Variants in RTTN observed in about 807,000 individuals in gnomAD.
RTTN encodes the protein rotatin.
In RTTN, 182 loss-of-function variants were observed where a neutral mutation model predicts 269.2. That is an observed-to-expected ratio of 0.68 (90% CI 0.60 to 0.76). The LOEUF (loss-of-function observed/expected upper bound fraction) is 0.76, where lower values mean the gene tolerates loss of function less well. Ranked by LOEUF, RTTN falls within the 30% of genes least tolerant of loss-of-function variation. The pLI is 0.00. For synonymous variants in RTTN, 1,006 were observed against 963.5 expected, an observed-to-expected ratio of 1.04 and a Z score of -0.82; for missense variants, 2,545 against 2,608.6, an observed-to-expected ratio of 0.98 and a Z score of 0.53.
intron 19 of RTTN, 123 bp downstream of exon 19, chr18:70,142,163 CAA>C: frequency 1.6e-6 from 1 of 616,332 alleles, no homozygotes; most frequent in Non-Finnish European, 2.8e-6. Flanking sequence ...TGAGGGCTGT[CAA>C]AAAAAAGGCC....
intron 40 of RTTN, among the ~76,000 whole-genome samples, chr18:70,046,725 C>T (rs753041364): frequency 2.0e-5 from 3 of 152,096 alleles, no homozygotes; most frequent in Non-Finnish European, 4.4e-5. Flanking sequence ...TAGAGAAATG[C>T]TTTGAGGAAC....
At chr18:70,139,957 T>TA in intron 20 of RTTN, 143 bp downstream of exon 20, 32 of 689,128 alleles carry the variant, frequency 4.6e-5, no homozygotes, top group Admixed American at 6.3e-5. Flanking sequence ...CTTTTCGAAT[T>TA]TAAAAAAAAA....
chr18:70,181,672 A>AT (rs989262935), intron 10 of RTTN, among the ~76,000 whole-genome samples: 3 of 152,126 alleles, frequency 2.0e-5, no homozygotes, highest in African/African-American at 7.2e-5. Flanking sequence ...AACATTTATT[A>AT]TTTTGTTCCT....
intron 16 of RTTN, 43 bp downstream of exon 16, chr18:70,149,928 C>A: frequency 7.6e-7 from 1 of 1,319,060 alleles, no homozygotes; most frequent in Admixed American, 1.7e-5. Context: ...TCACACCCAG[C>A]CAAAGATAAA....
chr18:70,092,914 G>A, intron 28 of RTTN, 110 bp from the exon 29 acceptor site: 11 of 936,126 alleles, frequency 1.2e-5, no homozygotes, highest in Non-Finnish European at 1.6e-5. Context: ...ACCTTATAAA[G>A]TTGTAATATT....
At chr18:70,202,110 GTT>G in intron 3 of RTTN, 127 bp from the exon 4 acceptor site, 1 of 565,068 alleles carries the variant, frequency 1.8e-6, no homozygotes, top group Non-Finnish European at 3.0e-6. Context: ...AAAAAGTCCA[GTT>G]TTTTTTCTGA....
At chr18:70,013,753 A>G (rs1396603430) in intron 46 of RTTN, among the ~76,000 whole-genome samples, 1 of 152,188 alleles carries the variant, frequency 6.6e-6, no homozygotes, top group African/African-American at 2.4e-5. Flanking sequence ...TCAGTTTGGT[A>G]ATTACAGTGA....
intron 14 of RTTN, among the ~76,000 whole-genome samples, chr18:70,159,646 GT>G (rs1233549025): frequency 6.6e-6 from 1 of 151,968 alleles, no homozygotes; most frequent in African/African-American, 2.4e-5. Flanking sequence ...CCAAATTTTG[GT>G]TCTCCAAAAG....
At chr18:70,073,766 T>C (rs1348459862) in intron 34 of RTTN, 140 bp downstream of exon 34, 6 of 584,490 alleles carry the variant, frequency 1.0e-5, no homozygotes, top group East Asian at 6.1e-5. Context: ...TACAATAATT[T>C]AGCAAAATTC....
chr18:70,105,439 C>T (rs756940930), intron 28 of RTTN, among the ~76,000 whole-genome samples: 26 of 152,346 alleles, frequency 1.7e-4, no homozygotes, highest in Non-Finnish European at 2.4e-4. Flanking sequence ...TGACCTCTTA[C>T]GCTTCCTGGG....
chr18:70,123,779 T>C (rs552497248), intron 25 of RTTN, among the ~76,000 whole-genome samples: 6 of 152,200 alleles, frequency 3.9e-5, no homozygotes, highest in African/African-American at 1.4e-4. Flanking sequence ...ATTATACTTT[T>C]AGCTGTCTTA....
chr18:70,143,602 G>A (rs917880215), intron 18 of RTTN, among the ~76,000 whole-genome samples: 4 of 152,094 alleles, frequency 2.6e-5, no homozygotes, highest in African/African-American at 9.7e-5. Context: ...CCTGAGGGTG[G>A]GGGGTAGGAG....
chr18:70,006,273 T>C (rs2056183432), intron 47 of RTTN, 108 bp downstream of exon 47: 5 of 718,762 alleles, frequency 7.0e-6, no homozygotes, highest in Non-Finnish European at 9.6e-6. Context: ...TTTTGTCTTT[T>C]TTCTTTTGCT....
chr18:70,057,758 T>G lies in RTTN; in HGVS notation c.5015A>C (p.Glu1672Ala). The G allele has an allele frequency of 6.2e-7, 1 of 1,613,608 alleles. No homozygotes were observed. The highest frequency in any genetic ancestry group is 8.5e-7 in the Non-Finnish European group (1 of 1,179,658). The stretch of plus-strand genomic sequence containing the variant: ...GATGCTTACCTGAGCCTGAGTGTGT[T>G]CAGCTGGAGGTGATGAAGGCAGCAG... ...RALLPSSPPA[E>A]HTQAQVSFLL... Residue 1672 changes from glutamate (E) to alanine (A), a missense_variant, in exon 37 of 49, where the codon GAA (glutamate) becomes GCA (alanine). Coordinates refer to ENST00000640769, the MANE Select transcript of RTTN (RefSeq NM_173630.4).
chr18:70,192,296 T>G (rs1473199026), intron 8 of RTTN, among the ~76,000 whole-genome samples: 1 of 152,138 alleles, frequency 6.6e-6, no homozygotes, highest in Non-Finnish European at 1.5e-5. Context: ...GAGACTAATA[T>G]GTTTCTAACA....
intron 5 of RTTN, among the ~76,000 whole-genome samples, chr18:70,198,206 C>T (rs983412954): frequency 2.0e-5 from 3 of 152,172 alleles, no homozygotes; most frequent in Non-Finnish European, 4.4e-5. Flanking sequence ...CCTCTTATCC[C>T]ATACAGAGGA....
rs185748069 is a variant in RTTN at position 70,039,435 on chromosome 18, A to T, written c.5542-8454T>A. Among the ~76,000 whole-genome samples, 749 of 152,196 alleles carry T rather than the reference A, an allele frequency of 4.9e-3. 3 individuals are homozygous for T. The highest frequency in any genetic ancestry group is 0.012 in the Admixed American group (179 of 15,302). ...AAAAAAAAAGAAAAACAACAAAAAA[A>T]CTTTACCCTAGAATAGTACATACGA... On this transcript the variant is annotated intron_variant, in intron 40 of 48. Coordinates refer to ENST00000640769, the MANE Select transcript of RTTN (RefSeq NM_173630.4).
At chr18:70,048,332 T>A in intron 39 of RTTN, 144 bp from the exon 40 acceptor site, 1 of 759,542 alleles carries the variant, frequency 1.3e-6, no homozygotes, top group Non-Finnish European at 2.1e-6. Flanking sequence ...TTAAAGGAGC[T>A]GGTGCCAACC....
At chr18:70,118,687 C>T (rs1250736472) in intron 26 of RTTN, among the ~76,000 whole-genome samples, 2 of 151,992 alleles carry the variant, frequency 1.3e-5, no homozygotes, top group Non-Finnish European at 2.9e-5. Flanking sequence ...AAATCCTTTA[C>T]CAAATACTGG....
Sources: gnomAD v4.1 joint callset for allele counts (sites outside exome capture counted in the v4.1 genomes callset) on GRCh38, gnomAD v4.1.1 for gene constraint, MANE v1.5 for transcripts, NCBI Gene and HGNC (gene_info 2026-07-23, HGNC 2026-07-21) for gene names.